Variants in SLC25A21 observed in about 807,000 individuals in gnomAD.
SLC25A21 encodes mitochondrial 2-oxodicarboxylate carrier.
A neutral mutation model predicts 43.8 loss-of-function variants in SLC25A21; 47 were observed. That is an observed-to-expected ratio of 1.07 (90% CI 0.85 to 1.37). SLC25A21 has a LOEUF of 1.37. Among genes scored for constraint, SLC25A21 ranks in the 40% most tolerant of loss-of-function variants. The pLI is 0.00. For missense variants in SLC25A21, 352 were observed against 350.2 expected, an observed-to-expected ratio of 1.00 and a Z score of -0.04; for synonymous variants, 131 against 121.3, an observed-to-expected ratio of 1.08 and a Z score of -0.52.
At position 36,798,554 on chromosome 14, in the gene SLC25A21, GT is replaced by G. The variant is rs1236174246; in HGVS notation, c.203+15363del. On this transcript the variant is annotated intron_variant, in intron 3 of 9. Transcript: ENST00000331299. Reference sequence around the variant, plus strand: ...TAAGTGTTTAGAAGGCCAGAGCTGGGTTTTTTTTTTTTAATGTAACTGGTAT... The same window carrying G: ...TAAGTGTTTAGAAGGCCAGAGCTGGGTTTTTTTTTTTAATGTAACTGGTAT... Among the ~76,000 whole-genome samples, 553 of 123,560 alleles carry G rather than the reference GT, an allele frequency of 4.5e-3. 1 individual carries two copies. Among genetic ancestry groups the G allele is most frequent in the Non-Finnish European group, 8.1e-3 (445 of 55,172 alleles). The allele number at this position is 123,560 out of a possible 152,430, so 81.1% of individuals were successfully genotyped here.
intron 3 of SLC25A21, among the ~76,000 whole-genome samples, chr14:36,790,924 C>T (rs1215419960): frequency 3.3e-5 from 5 of 152,166 alleles, no homozygotes; most frequent in South Asian, 4.1e-4. Flanking sequence ...ATAAGAGGAA[C>T]GTGGCATATA....
chr14:36,781,887 C>T (rs1459348836), intron 3 of SLC25A21, among the ~76,000 whole-genome samples: 1 of 152,104 alleles, frequency 6.6e-6, no homozygotes, highest in Non-Finnish European at 1.5e-5. Context: ...TTTATTTAAT[C>T]TTGAAGAACT....
At chr14:37,000,213 A>G (rs1262905050) in intron 1 of SLC25A21, among the ~76,000 whole-genome samples, 1 of 152,038 alleles carries the variant, frequency 6.6e-6, no homozygotes, top group African/African-American at 2.4e-5. Context: ...GTCTACCTCT[A>G]TATGTATTAC....
At chr14:36,777,172 C>T (rs553598400) in intron 3 of SLC25A21, among the ~76,000 whole-genome samples, 4 of 152,144 alleles carry the variant, frequency 2.6e-5, no homozygotes, top group East Asian at 1.9e-4. Context: ...GCAGGAGAAT[C>T]GCTTGAACTT....
chr14:36,778,915 A>T (rs945595417), intron 3 of SLC25A21, among the ~76,000 whole-genome samples: 1 of 152,052 alleles, frequency 6.6e-6, no homozygotes, highest in African/African-American at 2.4e-5. Context: ...TGTACATTAG[A>T]TCTCCAGAAT....
intron 1 of SLC25A21, among the ~76,000 whole-genome samples, chr14:37,027,353 C>T (rs543991351): frequency 6.6e-6 from 1 of 152,278 alleles, no homozygotes; most frequent in Admixed American, 6.5e-5. Context: ...AGTGATGATA[C>T]AGCTGATGAC....
chr14:37,094,979 A>C (rs2144318), intron 1 of SLC25A21, among the ~76,000 whole-genome samples: 143,753 of 152,102 alleles, frequency 0.95, 68,011 homozygotes, highest in East Asian at 1. Context: ...CACACACACA[A>C]AAAAAAAGTA....
rs544632243 is a variant in SLC25A21 at position 37,074,703 on chromosome 14, T to C, written c.70+97578A>G. On this transcript the variant is annotated intron_variant, in intron 1 of 9. Transcript: ENST00000331299. ...AAAAAGTTAGCCAGGCGTAGTGGTG[T>C]GCACCTGTAATCCCAGCTACTCGAG... Among the ~76,000 whole-genome samples, 18 of 152,094 alleles carry C rather than the reference T, an allele frequency of 1.2e-4. No homozygotes were observed. In the South Asian group the frequency reaches 3.5e-3, roughly 30 times the overall value.
intron 2 of SLC25A21, 60 bp downstream of exon 2, chr14:36,874,896 G>C (rs769078658): frequency 1.3e-5 from 19 of 1,445,174 alleles, no homozygotes; most frequent in Admixed American, 5.3e-5. Flanking sequence ...TTAGTGCTCT[G>C]ACAGATCTTA....
intron 1 of SLC25A21, among the ~76,000 whole-genome samples, chr14:37,011,408 G>C (rs567239820): frequency 6.6e-6 from 1 of 151,836 alleles, no homozygotes; most frequent in Admixed American, 6.6e-5. Context: ...GATAATAAAA[G>C]TAATAAAGAT....
At chr14:37,123,616 C>T (rs1157531367) in intron 1 of SLC25A21, among the ~76,000 whole-genome samples, 3 of 152,034 alleles carry the variant, frequency 2.0e-5, no homozygotes, top group Admixed American at 1.3e-4. Context: ...GGTATTTATG[C>T]TCAAAATATA....
intron 1 of SLC25A21, among the ~76,000 whole-genome samples, chr14:37,010,798 G>A (rs1460989354): frequency 6.6e-6 from 1 of 152,148 alleles, no homozygotes; most frequent in Non-Finnish European, 1.5e-5. Context: ...AGGCTGGAGT[G>A]CAGTGGTGTA....
intron 3 of SLC25A21, among the ~76,000 whole-genome samples, chr14:36,755,700 G>A (rs1486450942): frequency 2.6e-5 from 4 of 152,072 alleles, no homozygotes; most frequent in African/African-American, 7.2e-5. Flanking sequence ...CACATAGATC[G>A]TTTTTATCAA....
chr14:36,818,961 A>C (rs374921918), intron 2 of SLC25A21, among the ~76,000 whole-genome samples: 3 of 152,238 alleles, frequency 2.0e-5, no homozygotes, highest in Non-Finnish European at 4.4e-5. Context: ...TGCATTTAGA[A>C]GACAGGGTTG....
intron 1 of SLC25A21, among the ~76,000 whole-genome samples, chr14:36,987,354 T>C (rs565457212): frequency 6.6e-6 from 1 of 151,960 alleles, no homozygotes. Flanking sequence ...ACAATTTTTT[T>C]CATAAGTACA....
At chr14:36,764,079 A>AGAAAGAAGGAAGGAAGGAAGGAAG (rs1555326615) in intron 3 of SLC25A21, among the ~76,000 whole-genome samples, 4 of 41,866 alleles carry the variant, frequency 9.6e-5, no homozygotes, top group African/African-American at 7.8e-4. Context: ...AAAGAAAGAA[A>AGAAAGAAGGAAGGAAGGAAGGAAG]GAAGGAAGGA....
intron 1 of SLC25A21, among the ~76,000 whole-genome samples, chr14:36,905,261 GAAT>G (rs1337304893): frequency 6.6e-6 from 1 of 152,222 alleles, no homozygotes; most frequent in Admixed American, 6.5e-5. Flanking sequence ...CATTTCAGCA[GAAT>G]AGGCTGTAGG....
chr14:36,999,340 G>A (rs1960437639), intron 1 of SLC25A21, among the ~76,000 whole-genome samples: 1 of 152,152 alleles, frequency 6.6e-6, no homozygotes. Context: ...AAATTATGGA[G>A]ACAGTAAAAA....
intron 1 of SLC25A21, among the ~76,000 whole-genome samples, chr14:37,010,086 G>C (rs1390126958): frequency 2.0e-5 from 3 of 152,128 alleles, no homozygotes; most frequent in Non-Finnish European, 4.4e-5. Flanking sequence ...TTTTAGCCTT[G>C]ATTTCCTTAT....
Sources: gnomAD v4.1 joint callset for allele counts (sites outside exome capture counted in the v4.1 genomes callset) on GRCh38, gnomAD v4.1.1 for gene constraint, MANE v1.5 for transcripts, NCBI Gene and HGNC (gene_info 2026-07-23, HGNC 2026-07-21) for gene names.